The following LINGO2 variants were observed in gnomAD, a reference collection of about 807,000 sequenced individuals.
The protein encoded by LINGO2 is leucine-rich repeat and immunoglobulin-like domain-containing nogo receptor-interacting protein 2.
A neutral mutation model predicts 30.6 loss-of-function variants in LINGO2; 14 were observed. The observed-to-expected ratio is 0.46, with a 90% CI of 0.30 to 0.72. LINGO2 has a LOEUF of 0.72. Ranked by LOEUF, LINGO2 falls within the 30% of genes least tolerant of loss-of-function variation. The pLI is 0.07. For synonymous variants in LINGO2, 317 were observed against 288.5 expected (o/e 1.10, Z -1.00); for missense variants, 729 against 751.7 (o/e 0.97, Z 0.35).
intron 4 of LINGO2, among the ~76,000 whole-genome samples, chr9:28,247,289 A>T (rs55897980): frequency 0.13 from 20,455 of 152,200 alleles, 1,599 homozygotes; most frequent in African/African-American, 0.22. Flanking sequence ...TATTATAAAG[A>T]TATATGCATA....
the LINGO2 span, among the ~76,000 whole-genome samples, chr9:29,038,311 G>T: frequency 6.6e-6 from 1 of 151,952 alleles, no homozygotes; most frequent in Non-Finnish European, 1.5e-5. Context: ...ACTGATAATT[G>T]ACATTAGTTT....
the LINGO2 span, among the ~76,000 whole-genome samples, chr9:29,125,372 C>T: frequency 6.6e-5 from 10 of 151,974 alleles, no homozygotes; most frequent in Non-Finnish European, 1.5e-4. Flanking sequence ...CACATATATA[C>T]CTATGGAACA....
chr9:29,120,134 T>C, the LINGO2 span, among the ~76,000 whole-genome samples: 1 of 152,166 alleles, frequency 6.6e-6, no homozygotes, highest in African/African-American at 2.4e-5. Flanking sequence ...ATTTGAGAAA[T>C]GCCAATATCC....
At chr9:28,111,010 G>A (rs1305773274) in intron 4 of LINGO2, among the ~76,000 whole-genome samples, 2 of 152,114 alleles carry the variant, frequency 1.3e-5, no homozygotes, top group African/African-American at 4.8e-5. Context: ...TGATAGACTG[G>A]ATAAAGAAAA....
intron 2 of LINGO2, among the ~76,000 whole-genome samples, chr9:28,415,459 G>A (rs543348761): frequency 2.6e-5 from 4 of 152,260 alleles, no homozygotes; most frequent in East Asian, 1.9e-4. Flanking sequence ...TTACTGCAGC[G>A]TGCAAGGTCC....
At chr9:28,284,180 C>G (rs1040217025) in intron 4 of LINGO2, among the ~76,000 whole-genome samples, 11 of 152,190 alleles carry the variant, frequency 7.2e-5, no homozygotes, top group African/African-American at 2.7e-4. Context: ...CTGCACCTCA[C>G]TGAGGGGAAA....
chr9:28,665,276 G>T (rs1828755236), intron 1 of LINGO2, among the ~76,000 whole-genome samples: 1 of 151,754 alleles, frequency 6.6e-6, no homozygotes, highest in African/African-American at 2.4e-5. Context: ...CTAAATAAAA[G>T]ATATGGGTTC....
chr9:28,544,631 G>A (rs960940208), intron 1 of LINGO2, among the ~76,000 whole-genome samples: 4 of 122,936 alleles, frequency 3.3e-5, no homozygotes, highest in Non-Finnish European at 7.6e-5. Context: ...TAAAAAGTCA[G>A]AAGCTGTTAC....
At chr9:28,420,935 A>C (rs1345573463) in intron 2 of LINGO2, among the ~76,000 whole-genome samples, 1 of 152,078 alleles carries the variant, frequency 6.6e-6, no homozygotes, top group Non-Finnish European at 1.5e-5. Context: ...TGCTGAAAAA[A>C]TACTAAAAAT....
the LINGO2 span, among the ~76,000 whole-genome samples, chr9:29,098,925 C>T: frequency 6.6e-6 from 1 of 152,084 alleles, no homozygotes; most frequent in Admixed American, 6.6e-5. Flanking sequence ...ATAGCCAAAG[C>T]TATCCTGAGC....
At chr9:28,588,482 T>C (rs987269098) in intron 1 of LINGO2, among the ~76,000 whole-genome samples, 2 of 151,862 alleles carry the variant, frequency 1.3e-5, no homozygotes, top group Non-Finnish European at 2.9e-5. Flanking sequence ...ACCATAAGTG[T>C]AATATCAGGA....
the LINGO2 span, among the ~76,000 whole-genome samples, chr9:29,183,210 C>T: frequency 6.6e-6 from 1 of 152,130 alleles, no homozygotes; most frequent in African/African-American, 2.4e-5. Flanking sequence ...TGCCACAGCC[C>T]AGAGACAAGA....
intron 4 of LINGO2, among the ~76,000 whole-genome samples, chr9:28,247,008 C>CA (rs2133995567): frequency 6.6e-6 from 1 of 152,312 alleles, no homozygotes; most frequent in East Asian, 1.9e-4. Flanking sequence ...AAAAGCTCAA[C>CA]ATCACTGATC....
the LINGO2 span, among the ~76,000 whole-genome samples, chr9:29,111,484 A>G: frequency 6.6e-6 from 1 of 151,950 alleles, no homozygotes; most frequent in Non-Finnish European, 1.5e-5. Flanking sequence ...AAATATATAT[A>G]TCTATATAAT....
At chr9:28,101,119 G>A (rs1157555244) in intron 4 of LINGO2, among the ~76,000 whole-genome samples, 1 of 151,878 alleles carries the variant, frequency 6.6e-6, no homozygotes, top group African/African-American at 2.4e-5. Context: ...AGAAGTTATG[G>A]GAGGCATTGT....
At chr9:28,865,821 T>A in the LINGO2 span, among the ~76,000 whole-genome samples, 2 of 152,034 alleles carry the variant, frequency 1.3e-5, no homozygotes, top group African/African-American at 4.8e-5. Context: ...AAAACAATCA[T>A]CTCAACTTAA....
chr9:29,049,715 T>G, the LINGO2 span, among the ~76,000 whole-genome samples: 32 of 152,134 alleles, frequency 2.1e-4, no homozygotes, highest in Non-Finnish European at 3.4e-4. Flanking sequence ...TTACATGTTC[T>G]CACTGATTTT....
chr9:28,479,911 G>GTATATATATATATATATA (rs58972403), intron 1 of LINGO2, among the ~76,000 whole-genome samples: 11 of 49,774 alleles, frequency 2.2e-4, no homozygotes, highest in South Asian at 8.3e-4. Context: ...ATATACGTAG[G>GTATATATATATATATATA]TATATATATA....
At chr9:28,292,810 G>A (rs993885429) in intron 4 of LINGO2, among the ~76,000 whole-genome samples, 16 of 147,222 alleles carry the variant, frequency 1.1e-4, no homozygotes, top group Middle Eastern at 4.2e-3. Context: ...TTGCTTTGTC[G>A]CCCAGGCTGG....
Sources: gnomAD v4.1 joint callset for allele counts (sites outside exome capture counted in the v4.1 genomes callset) on GRCh38, gnomAD v4.1.1 for gene constraint, MANE v1.5 for transcripts, NCBI Gene and HGNC (gene_info 2026-07-23, HGNC 2026-07-21) for gene names.